PPFIA4: variants seen among roughly 807,000 people sequenced by gnomAD.
PPFIA4 encodes liprin-alpha-4.
Under a neutral mutation model 145.7 loss-of-function variants are expected in PPFIA4, and 98 were observed. That is an observed-to-expected ratio of 0.67 (90% CI 0.57 to 0.80). The LOEUF is 0.80. PPFIA4 is among the 30% of genes least tolerant of loss of function. PPFIA4 has a pLI of 0.00. For missense variants in PPFIA4, 1,457 were observed against 1,632.7 expected (o/e 0.89, Z 1.85); for synonymous variants, 628 against 649.6 (o/e 0.97, Z 0.51).
rs890726151 is a variant in PPFIA4 at position 203,044,363 on chromosome 1, C to T, written c.502-16C>T. The T allele has an allele frequency of 6.5e-7, 1 of 1,550,264 alleles. No individual in the cohort carries two copies. Among genetic ancestry groups the T allele is most frequent in the Middle Eastern group, 1.7e-4 (1 of 6,012 alleles). The stretch of plus-strand genomic sequence containing the variant: ...GGGTCCCCCTTTCTTCCTCCATCTC[C>T]CCTTACCTCGAGCAGGTGCGAGAGC... On this transcript the variant is annotated splice_polypyrimidine_tract_variant and intron_variant, in intron 4 of 29. Transcript: ENST00000295706.
rs1310245410 is a variant in PPFIA4, at chr1:203,043,655, G to A, written c.336+157G>A. On this transcript the variant is annotated intron_variant, in intron 3 of 29. Coordinates refer to ENST00000295706, the MANE Select transcript of PPFIA4 (RefSeq NM_001304331.2). This position sits in a 1 kb window ranked among gnomAD's most constrained non-coding sequence, Gnocchi z 4.4. ...TTCCCTCTTCCTGTCTCCCATCCTG[G>A]GGTGAGAGTTACATCGTTTAACCAC... Among the ~76,000 whole-genome samples, 2 of 152,136 alleles carry A rather than the reference G, an allele frequency of 1.3e-5. No homozygotes were observed. Among genetic ancestry groups the A allele is most frequent in the Non-Finnish European group, 2.9e-5 (2 of 68,028 alleles).
intron 2 of PPFIA4, among the ~76,000 whole-genome samples, chr1:203,040,817 A>G (rs1251444339): frequency 2.0e-4 from 30 of 152,220 alleles, no homozygotes; most frequent in Admixed American, 2.0e-3. Flanking sequence ...TAGGTAACTT[A>G]TTCAAGATCA....
At position 203,077,748 on chromosome 1, in the gene PPFIA4, A is replaced by G. The variant is rs949933080; in HGVS notation, c.*1358A>G. 3.3e-5 allele frequency: 5 copies of G among 152,230 alleles called. No individual in the cohort carries two copies. Among genetic ancestry groups the G allele is most frequent in the African/African-American group, 1.2e-4 (5 of 41,458 alleles). The allele number at this position is 152,230 out of a possible 1,614,324, so 9.4% of individuals were successfully genotyped here. A position where few individuals can be genotyped will look rare whatever the true frequency, so the allele number is the denominator to read the frequency against. On this transcript the variant is annotated 3_prime_UTR_variant, in exon 30 of 30. Transcript: ENST00000295706. ...TGATTTGGTAGGAATATTATTCCCA[A>G]GAAATACCCGCTCCTCACCTACTCC...
intron 1 of PPFIA4, among the ~76,000 whole-genome samples, chr1:203,031,082 C>T (rs1041496360): frequency 2.6e-5 from 4 of 152,138 alleles, no homozygotes; most frequent in African/African-American, 7.2e-5. Context: ...CCCTTTTCCC[C>T]TCTCTCTCCC....
intron 2 of PPFIA4, among the ~76,000 whole-genome samples, chr1:203,042,753 C>T (rs547842139): frequency 1.3e-5 from 2 of 150,058 alleles, no homozygotes; most frequent in South Asian, 4.4e-4. Context: ...TCTCCTGCCT[C>T]AGCCTCTGGA....
intron 2 of PPFIA4, among the ~76,000 whole-genome samples, chr1:203,042,876 T>C (rs896118816): frequency 6.6e-6 from 1 of 152,166 alleles, no homozygotes; most frequent in African/African-American, 2.4e-5. Context: ...TGACCTCAGG[T>C]GATCTGCCCG....
rs1662438853 is a variant in PPFIA4 at position 203,075,273 on chromosome 1, A to G, written c.3394-304A>G. Among the ~76,000 whole-genome samples, 2 of 152,208 alleles carry G rather than the reference A, an allele frequency of 1.3e-5. No homozygotes were observed. The highest frequency in any genetic ancestry group is 4.8e-5 in the African/African-American group (2 of 41,530). ...TGGTCATGCCAAGCCTACTTTGAGA[A>G]GATTGCGGTGGGCTGGGAAACAGTT... On this transcript the variant is annotated intron_variant, in intron 28 of 29. Transcript: ENST00000295706. The surrounding 1 kb of genome is among the most constrained non-coding windows in gnomAD (Gnocchi z 4.1).
chr1:203,063,799 T>C lies in PPFIA4; in HGVS notation c.2875-29T>C, dbSNP rs200541460. On this transcript the variant is annotated intron_variant, in intron 24 of 29. Coordinates refer to ENST00000295706, the MANE Select transcript of PPFIA4 (RefSeq NM_001304331.2). ...CTGCTGGCTCTACCTTCCTCCCCCA[T>C]AATAGCCTCCTGCATCTCATTTCCC... 2.5e-6 allele frequency: 4 copies of C among 1,613,126 alleles called. No homozygotes were observed. In the East Asian group the frequency reaches 8.9e-5, roughly 36 times the overall value.
chr1:203,042,146 C>T (rs1659736703), intron 2 of PPFIA4, among the ~76,000 whole-genome samples: 1 of 152,110 alleles, frequency 6.6e-6, no homozygotes, highest in African/African-American at 2.4e-5. Context: ...AGGCCTGTTG[C>T]ATCGCTCTTA....
At chr1:203,054,039 G>T (rs997176960) in intron 15 of PPFIA4, 78 bp downstream of exon 15, 1 of 1,471,972 alleles carries the variant, frequency 6.8e-7, no homozygotes, top group East Asian at 2.5e-5. Context: ...CCCTATATGG[G>T]TTTGCCCAAC....
At chr1:203,074,116 T>G in intron 28 of PPFIA4, among the ~76,000 whole-genome samples, 1 of 151,036 alleles carries the variant, frequency 6.6e-6, no homozygotes. Context: ...GGGAAGGAGG[T>G]GAGAAAAGGA....
At chr1:203,051,736 G>A (rs1354493952) in intron 13 of PPFIA4, 33 bp from the exon 14 acceptor site, 16 of 1,584,480 alleles carry the variant, frequency 1.0e-5, no homozygotes, top group South Asian at 6.9e-5. Flanking sequence ...AGTCCTCAGG[G>A]CCTGTCTTTT....
At chr1:203,059,960 G>A (rs926054032) in intron 21 of PPFIA4, 109 bp downstream of exon 21, 13 of 956,684 alleles carry the variant, frequency 1.4e-5, no homozygotes, top group Non-Finnish European at 2.0e-5. Context: ...CCCCTGCCAA[G>A]TGGAAGTGTG....
At chr1:203,044,116 C>T in intron 4 of PPFIA4, 21 bp downstream of exon 4, 2 of 1,555,954 alleles carry the variant, frequency 1.3e-6, no homozygotes, top group Non-Finnish European at 1.7e-6. Context: ...GCCCGCCAGC[C>T]CCCACATCCA....
In PPFIA4 at chr1:203,063,977, C is replaced by T. The variant is rs1311224842; in HGVS notation, c.3024C>T (p.His1008=). ...DHLTKKDLRV[H]LKMVDSFHRT... ...TCACCAAGAAGGACCTGCGGGTCCACCTGAAGATGGTGGACAGCTTCCATC... is the reference window on the plus strand; with the variant it reads ...TCACCAAGAAGGACCTGCGGGTCCATCTGAAGATGGTGGACAGCTTCCATC... The change falls in exon 25 of 30, where the codon CAC becomes CAT. Residue 1008 remains histidine, a synonymous_variant. Transcript: ENST00000295706. 1 of 1,613,732 alleles carries T rather than the reference C, an allele frequency of 6.2e-7. No homozygotes were observed. The highest frequency in any genetic ancestry group is 8.5e-7 in the Non-Finnish European group (1 of 1,179,878).
Position 203,059,232 on chromosome 1 carries a change from T to A in PPFIA4, c.2462T>A (p.Leu821Gln). 6.4e-7 allele frequency: 1 copy of A among 1,557,746 alleles called. No homozygotes were observed. Among genetic ancestry groups the A allele is most frequent in the Non-Finnish European group, 8.7e-7 (1 of 1,143,812 alleles). ...CAGGAGCCTATGGTGCCTGCCAAGC[T>A]GGGGACCCAGGCAGAGAAGGACCGG... ...SMQEPMVPAK[L>Q]GTQAEKDRRL... The change falls in exon 20 of 30, where the codon CTG (leucine) becomes CAG (glutamine). Residue 821 changes from leucine to glutamine, a missense_variant. By Grantham distance (113) the Leu-to-Gln change is moderately radical. Transcript: ENST00000295706.
chr1:203,050,472 A>G (rs532484749), intron 13 of PPFIA4, among the ~76,000 whole-genome samples: 1 of 152,310 alleles, frequency 6.6e-6, no homozygotes, highest in Non-Finnish European at 1.5e-5. Context: ...CTCAAGGTTC[A>G]TGGCTCTTGG....
chr1:203,044,156 C>T, intron 4 of PPFIA4, 61 bp downstream of exon 4: 1 of 1,490,152 alleles, frequency 6.7e-7, no homozygotes, highest in Non-Finnish European at 9.0e-7. Context: ...TCCCATGTAT[C>T]CCTTCTCTGA....
chr1:203,037,050 C>T (rs755657299), intron 1 of PPFIA4: 9 of 219,544 alleles, frequency 4.1e-5, no homozygotes, highest in African/African-American at 1.4e-4. Flanking sequence ...TGCACTACTG[C>T]GCCCCTCTGG....
Sources: gnomAD v4.1 joint callset for allele counts (sites outside exome capture counted in the v4.1 genomes callset) on GRCh38, gnomAD v4.1.1 for gene constraint, Gnocchi (gnomAD v3.1) non-coding constraint, MANE v1.5 for transcripts, NCBI Gene and HGNC (gene_info 2026-07-23, HGNC 2026-07-21) for gene names.